The following PTPRS variants were observed in gnomAD, a reference collection of about 807,000 sequenced individuals.
PTPRS encodes receptor-type tyrosine-protein phosphatase S.
In PTPRS, 63 loss-of-function variants were observed where a neutral mutation model predicts 215.3. The observed-to-expected ratio is 0.29, with a 90% confidence interval of 0.24 to 0.36. The LOEUF is 0.36. Ranked by LOEUF, PTPRS falls within the 10% of genes least tolerant of loss-of-function variation. The pLI, the probability that PTPRS is intolerant of heterozygous loss-of-function variation, is 1.00. For synonymous variants in PTPRS, 1,404 were observed against 1,191.4 expected, an observed-to-expected ratio of 1.18 and a Z score of -3.68; for missense variants, 2,258 against 2,825.8, an observed-to-expected ratio of 0.80 and a Z score of 4.56.
chr19:5,315,509 G>A (rs1031199838), intron 1 of PTPRS, among the ~76,000 whole-genome samples: 7 of 151,298 alleles, frequency 4.6e-5, no homozygotes, highest in Admixed American at 1.3e-4. Context: ...GGCCACAGGT[G>A]TACACCATCA....
intron 16 of PTPRS, 29 bp from the exon 17 acceptor site, chr19:5,225,873 CGGCTGG>C (rs1568416341): frequency 1.9e-6 from 3 of 1,590,404 alleles, no homozygotes; most frequent in Non-Finnish European, 2.6e-6. Flanking sequence ...GTCAGCACGA[CGGCTGG>C]GGCTGGGAGC....
chr19:5,322,898 A>AAAAAAAG (rs775619490), intron 1 of PTPRS, among the ~76,000 whole-genome samples: 164 of 120,218 alleles, frequency 1.4e-3, no homozygotes, highest in African/African-American at 1.6e-3. Flanking sequence ...AAAAAAAAAA[A>AAAAAAAG]AAGAAGAAGA....
chr19:5,336,868 A>G (rs2050520321), intron 1 of PTPRS, among the ~76,000 whole-genome samples: 1 of 152,134 alleles, frequency 6.6e-6, no homozygotes. Flanking sequence ...GCAGGGAAGG[A>G]CGGAGGAAGG....
At chr19:5,212,554 GC>G (rs2041005786) in intron 30 of PTPRS, 63 bp from the exon 31 acceptor site, 7 of 1,519,614 alleles carry the variant, frequency 4.6e-6, no homozygotes. Flanking sequence ...TGCTGAAGAT[GC>G]CCAAGTGGCC....
chr19:5,312,916 G>C (rs1463970568), intron 1 of PTPRS, among the ~76,000 whole-genome samples: 3 of 152,084 alleles, frequency 2.0e-5, no homozygotes, highest in African/African-American at 7.2e-5. Context: ...ACCTGGCCTA[G>C]GATTTATTTA....
intron 17 of PTPRS, among the ~76,000 whole-genome samples, chr19:5,224,204 G>T (rs930171019): frequency 6.6e-6 from 1 of 151,866 alleles, no homozygotes; most frequent in East Asian, 1.9e-4. Context: ...TCTCAAGAAA[G>T]CCTCACTTAA....
At chr19:5,208,170 G>A in intron 36 of PTPRS, 67 bp downstream of exon 36, 1 of 1,560,830 alleles carries the variant, frequency 6.4e-7, no homozygotes, top group Non-Finnish European at 8.7e-7. Flanking sequence ...CCTAAGCTTG[G>A]GGCTGTCCCC....
intron 1 of PTPRS, among the ~76,000 whole-genome samples, chr19:5,286,792 C>A (rs1004970293): frequency 6.6e-6 from 1 of 152,076 alleles, no homozygotes; most frequent in African/African-American, 2.4e-5. Context: ...AAACCCCAAC[C>A]CCAGCATGAG....
chr19:5,331,863 T>A (rs1343126039), intron 1 of PTPRS, among the ~76,000 whole-genome samples: 1 of 152,138 alleles, frequency 6.6e-6, no homozygotes, highest in Non-Finnish European at 1.5e-5. Flanking sequence ...AGAGCCAACG[T>A]TTATCGAGCG....
At chr19:5,258,213 G>A in intron 7 of PTPRS, 86 bp from the exon 8 acceptor site, 1 of 1,148,568 alleles carries the variant, frequency 8.7e-7, no homozygotes, top group Non-Finnish European at 1.3e-6. Flanking sequence ...GTGCTCTCTG[G>A]CCTGTCTCCT....
intron 12 of PTPRS, 152 bp downstream of exon 12, chr19:5,240,047 G>T: frequency 1.1e-6 from 1 of 949,620 alleles, no homozygotes; most frequent in Non-Finnish European, 1.5e-6. Context: ...AAGGCACAAA[G>T]GGACAGAGAC....
chr19:5,222,299 G>T (rs1040006737), intron 18 of PTPRS, 79 bp from the exon 19 acceptor site: 13 of 1,239,154 alleles, frequency 1.0e-5, no homozygotes. Context: ...CGTGAAGCGG[G>T]GTGGGGTGGG....
At position 5,261,302 on chromosome 19, in the gene PTPRS, AG is replaced by A. The variant is rs371069504; in HGVS notation, c.578-481del. The stretch of plus-strand genomic sequence containing the variant: ...CAACAGGAATTATCTTGTTAGAGAC[AG>A]GGGAGGTGGGTGGGGTTAGTGCCCC... On this transcript the variant is annotated intron_variant, in intron 6 of 37. Transcript: ENST00000262963. Among the ~76,000 whole-genome samples, 566 of 151,864 alleles carry A rather than the reference AG, an allele frequency of 3.7e-3. 10 individuals carry two copies. Among genetic ancestry groups the A allele is most frequent in the South Asian group, 0.018 (88 of 4,774 alleles).
In PTPRS at chr19:5,212,046, T is replaced by C; in HGVS notation, c.4974A>G (p.Ala1658=). ...AVGCGNTEVP[A]RSLYAYIQKL... is the part of the protein sequence containing the mutation. The stretch of plus-strand genomic sequence containing the variant: ...TCTGGATGTAGGCATAGAGGCTGCG[T>C]GCGGGCACTTCTGTGTTGCCACAGC... Residue 1658 remains alanine (A), a synonymous_variant, in exon 32 of 38, where the codon GCA becomes GCG. Coordinates refer to ENST00000262963, the MANE Select transcript of PTPRS (RefSeq NM_002850.4). 6.2e-7 allele frequency: 1 copy of C among 1,614,000 alleles called. No homozygotes were observed. The highest frequency in any genetic ancestry group is 8.5e-7 in the Non-Finnish European group (1 of 1,180,034).
chr19:5,272,223 A>T (rs1013198885), intron 4 of PTPRS, among the ~76,000 whole-genome samples: 5 of 152,084 alleles, frequency 3.3e-5, no homozygotes, highest in Non-Finnish European at 4.4e-5. Flanking sequence ...GCTGAACAAA[A>T]ATTTGTTCAC....
chr19:5,312,677 A>G, intron 1 of PTPRS, among the ~76,000 whole-genome samples: 1 of 152,320 alleles, frequency 6.6e-6, no homozygotes, highest in East Asian at 1.9e-4. Flanking sequence ...AATTAAAAAT[A>G]AAAATAAAAT....
intron 1 of PTPRS, among the ~76,000 whole-genome samples, chr19:5,340,440 C>A (rs2050656809): frequency 6.6e-6 from 1 of 150,842 alleles, no homozygotes; most frequent in Admixed American, 6.6e-5. Flanking sequence ...CCCAGCGCGG[C>A]CCCGGCCCTG....
chr19:5,221,114 G>A lies in PTPRS; in HGVS notation c.3341C>T (p.Thr1114Ile), dbSNP rs2145342900. Reference protein sequence around the residue: ...SSLGGLQQTVTAWTAFNLLNG... With the variant: ...SSLGGLQQTVIAWTAFNLLNG... ...GAGCAGGTTGAAGGCAGTCCAGGCG[G>A]TGACCGTCTGCTGGAGGCCGCCCAG... Residue 1114 changes from threonine (T) to isoleucine (I), a missense_variant, in exon 20 of 38, where the codon ACC becomes ATC. By Grantham distance (89) the Thr-to-Ile change is moderately conservative. Transcript: ENST00000262963. The A allele has an allele frequency of 6.2e-7, 1 of 1,614,000 alleles. No individual in the cohort carries two copies. The highest frequency in any genetic ancestry group is 8.5e-7 in the Non-Finnish European group (1 of 1,179,998).
At chr19:5,236,083 C>A (rs143171404) in intron 13 of PTPRS, among the ~76,000 whole-genome samples, 1 of 152,198 alleles carries the variant, frequency 6.6e-6, no homozygotes, top group Non-Finnish European at 1.5e-5. Flanking sequence ...ACTGTCACTC[C>A]CCACCCGCCA....
Sources: allele counts gnomAD v4.1 joint callset (sites outside exome capture counted in the v4.1 genomes callset), GRCh38; gene constraint gnomAD v4.1.1; transcripts MANE v1.5; gene names NCBI Gene and HGNC (gene_info 2026-07-23, HGNC 2026-07-21).